CGNL1: variants seen among roughly 807,000 people sequenced by gnomAD.
CGNL1 encodes cingulin-like protein 1.
A neutral mutation model predicts 141.2 loss-of-function variants in CGNL1; 132 were observed. The ratio of observed to expected loss-of-function variants is 0.93; its 90% CI spans 0.81 to 1.08. CGNL1 has a LOEUF of 1.08. CGNL1 is among the 50% of genes least tolerant of loss of function. CGNL1 has a pLI of 0.00. For missense variants in CGNL1, 1,870 were observed against 1,588.6 expected (o/e 1.18, Z -3.01); for synonymous variants, 690 against 622.1 (o/e 1.11, Z -1.63).
intron 1 of CGNL1, among the ~76,000 whole-genome samples, chr15:57,418,997 G>C (rs574491040): frequency 6.6e-6 from 1 of 151,570 alleles, no homozygotes; most frequent in African/African-American, 2.4e-5. Flanking sequence ...GCGCAATCTC[G>C]GCTCACTGCA....
Position 57,438,920 on chromosome 15 carries a change from C to T in CGNL1, c.921C>T (p.Asn307=). ...CATCCACAACTCCCACGTCAGCCAA[C>T]TCTTTGTACAGGTTTTTACTGGATG... The part of the protein sequence containing the change: ...SSSSTTPTSA[N]SLYRFLLDDQ... The change falls in exon 2 of 19, where the codon AAC becomes AAT. Residue 307 remains asparagine, a synonymous_variant. Transcript: ENST00000281282. The T allele has an allele frequency of 3.1e-6, 5 of 1,614,210 alleles. No homozygotes were observed. The highest frequency in any genetic ancestry group is 4.2e-6 in the Non-Finnish European group (5 of 1,180,038).
chr15:57,492,256 A>C (rs1246377584), intron 8 of CGNL1, among the ~76,000 whole-genome samples: 1 of 152,206 alleles, frequency 6.6e-6, no homozygotes, highest in Non-Finnish European at 1.5e-5. Context: ...AGAGGATCTG[A>C]TCAGTTCATT....
At chr15:57,444,891 A>G (rs537829620) in intron 4 of CGNL1, among the ~76,000 whole-genome samples, 1 of 152,316 alleles carries the variant, frequency 6.6e-6, no homozygotes, top group South Asian at 2.1e-4. Flanking sequence ...AGATGTGAAT[A>G]CCATTGTGTT....
At chr15:57,405,465 C>G (rs2062705268) in intron 1 of CGNL1, among the ~76,000 whole-genome samples, 1 of 152,150 alleles carries the variant, frequency 6.6e-6, no homozygotes, top group Non-Finnish European at 1.5e-5. Context: ...TTTTCTCTTT[C>G]CAAACCTTTG....
At chr15:57,409,594 C>T (rs535180404) in intron 1 of CGNL1, among the ~76,000 whole-genome samples, 1 of 151,938 alleles carries the variant, frequency 6.6e-6, no homozygotes, top group South Asian at 2.1e-4. Context: ...GAGGCAGGGT[C>T]AACAGGAAGA....
intron 1 of CGNL1, among the ~76,000 whole-genome samples, chr15:57,437,181 G>C (rs1168546043): frequency 2.0e-5 from 3 of 152,136 alleles, no homozygotes; most frequent in African/African-American, 7.2e-5. Context: ...CACCAGAAAG[G>C]CAACGGCAAC....
rs752038257 is a variant in CGNL1, at chr15:57,438,554, T to C, written c.555T>C (p.Asn185=). ...CGTTGACAGAAGAAGGCATCAACAA[T>C]AAGAAGCCTTGGACTTGCTTTCCCA... is the stretch of plus-strand genomic sequence containing the variant. ...LKTLTEEGIN[N]KKPWTCFPKP... is the part of the protein sequence containing the mutation. Residue 185 remains asparagine (N), a synonymous_variant, in exon 2 of 19, where the codon AAT becomes AAC. Transcript: ENST00000281282. 3.1e-6 allele frequency: 5 copies of C among 1,613,804 alleles called. No individual in the cohort carries two copies. The South Asian group carries it at 4.4e-5, about 14-fold the overall frequency.
chr15:57,453,088 C>T (rs1310977726), intron 6 of CGNL1, among the ~76,000 whole-genome samples: 3 of 152,082 alleles, frequency 2.0e-5, no homozygotes, highest in Non-Finnish European at 4.4e-5. Flanking sequence ...GAGTTTGGTT[C>T]AGGACAGAGT....
intron 6 of CGNL1, among the ~76,000 whole-genome samples, chr15:57,453,276 C>T (rs576422745): frequency 6.6e-6 from 1 of 152,272 alleles, no homozygotes; most frequent in East Asian, 1.9e-4. Flanking sequence ...TGAACTGGCC[C>T]ACAGACCATA....
intron 1 of CGNL1, among the ~76,000 whole-genome samples, chr15:57,417,565 C>G (rs1299277749): frequency 6.6e-6 from 1 of 151,334 alleles, no homozygotes; most frequent in East Asian, 1.9e-4. Context: ...AAACTGACTC[C>G]AAGGTCAAAT....
At chr15:57,394,160 C>T (rs1383988535) in intron 1 of CGNL1, 1 of 134,240 alleles carries the variant, frequency 7.4e-6, no homozygotes, top group Non-Finnish European at 1.6e-5. Context: ...GGCTGGAGTA[C>T]AAGCTCATGT....
intron 1 of CGNL1, among the ~76,000 whole-genome samples, chr15:57,387,920 G>A (rs1364612538): frequency 6.6e-6 from 1 of 152,214 alleles, no homozygotes; most frequent in Non-Finnish European, 1.5e-5. Context: ...TGGGCAGGGG[G>A]TGGAGGACAT....
intron 4 of CGNL1, among the ~76,000 whole-genome samples, chr15:57,448,891 TC>T (rs1221546953): frequency 6.6e-6 from 1 of 152,128 alleles, no homozygotes; most frequent in African/African-American, 2.4e-5. Context: ...ATGTGTTATC[TC>T]CCCCTGAAGA....
At chr15:57,451,418 C>G (rs765995366) in intron 4 of CGNL1, 82 bp from the exon 5 acceptor site, 7 of 988,208 alleles carry the variant, frequency 7.1e-6, no homozygotes, top group Non-Finnish European at 7.8e-6. Flanking sequence ...TGTTACTGCA[C>G]TGATTATATT....
intron 8 of CGNL1, among the ~76,000 whole-genome samples, chr15:57,505,328 T>G (rs935896604): frequency 2.6e-4 from 39 of 152,228 alleles, no homozygotes; most frequent in Non-Finnish European, 5.3e-4. Context: ...AACGCCACCC[T>G]GTTTTTAAGA....
chr15:57,546,159 G>C lies in CGNL1; in HGVS notation c.3693G>C (p.Lys1231Asn). The C allele has an allele frequency of 1.2e-6, 2 of 1,613,260 alleles. No homozygotes were observed. Among genetic ancestry groups the C allele is most frequent in the Non-Finnish European group, 1.7e-6 (2 of 1,179,672 alleles). Residue 1231 changes from lysine (K) to asparagine (N), a missense_variant, in exon 18 of 19, where the codon AAG becomes AAC. Transcript: ENST00000281282. Reference protein sequence around the residue: ...EIDRLESSKKKLQRELEEQMD... With the variant: ...EIDRLESSKKNLQRELEEQMD... ...ACAGACTGGAAAGTTCTAAAAAGAA[G>C]CTGCAGAGGGAGCTGGAGGAGCAGA...
chr15:57,433,739 T>C (rs776092288), intron 1 of CGNL1, among the ~76,000 whole-genome samples: 1 of 152,036 alleles, frequency 6.6e-6, no homozygotes, highest in Non-Finnish European at 1.5e-5. Flanking sequence ...GGGGTGTTGG[T>C]GGGGGTGACT....
chr15:57,454,710 A>G (rs973185990), intron 7 of CGNL1, among the ~76,000 whole-genome samples: 13 of 152,166 alleles, frequency 8.5e-5, no homozygotes, highest in Non-Finnish European at 2.9e-5. Flanking sequence ...TCTCCTGAGA[A>G]GCCCTCAGCA....
chr15:57,541,975 C>T (rs1450852586), intron 14 of CGNL1, among the ~76,000 whole-genome samples: 3 of 152,208 alleles, frequency 2.0e-5, no homozygotes, highest in African/African-American at 7.2e-5. Context: ...CCTGCCTGTC[C>T]CACCAGCATC....
Sources: allele counts gnomAD v4.1 joint callset (sites outside exome capture counted in the v4.1 genomes callset), GRCh38; gene constraint gnomAD v4.1.1; transcripts MANE v1.5; gene names NCBI Gene and HGNC (gene_info 2026-07-23, HGNC 2026-07-21).